SRRM4: variants seen among roughly 807,000 people sequenced by gnomAD.
SRRM4 encodes the protein serine/arginine repetitive matrix protein 4.
SRRM4 carries 33 observed loss-of-function variants against 68.9 expected under a neutral mutation model. The observed-to-expected ratio is 0.48, with a 90% CI of 0.36 to 0.64. The LOEUF is 0.64. SRRM4 is among the 30% of genes least tolerant of loss of function. The pLI, the probability that SRRM4 is intolerant of heterozygous loss-of-function variation, is 0.00. For synonymous variants in SRRM4, 318 were observed against 318.8 expected (o/e 1.00, Z 0.03); for missense variants, 817 against 827.1 (o/e 0.99, Z 0.15).
intron 8 of SRRM4, among the ~76,000 whole-genome samples, chr12:119,137,055 T>C (rs2136061129): frequency 6.6e-6 from 1 of 152,178 alleles, no homozygotes; most frequent in East Asian, 1.9e-4. Flanking sequence ...CTAAGGAAGA[T>C]GAACAACAGA....
Position 118,982,024 on chromosome 12 carries a change from CCTT to C in SRRM4, c.131+15_131+17del, listed in dbSNP as rs769904662. The C allele has an allele frequency of 2.5e-6, 4 of 1,603,792 alleles. No homozygotes were observed. In the African/African-American group the frequency reaches 4.0e-5, roughly 16 times the overall value. On this transcript the variant is annotated intron_variant, in intron 1 of 12. Coordinates refer to ENST00000267260, the MANE Select transcript of SRRM4 (RefSeq NM_194286.4). ...CAAGCCGCTGCCAAGGTAATGATCTCCTTCTTAGAAGGGGGGATCCTGAAGGTC... is the reference window on the plus strand; with the variant it reads ...CAAGCCGCTGCCAAGGTAATGATCTCCTTAGAAGGGGGGATCCTGAAGGTC...
At chr12:118,983,200 A>G (rs369568830) in intron 1 of SRRM4, among the ~76,000 whole-genome samples, 146 of 152,330 alleles carry the variant, frequency 9.6e-4, no homozygotes, top group African/African-American at 3.2e-3. Context: ...TGTCTGAAGA[A>G]TCAAAGCCAG....
chr12:118,984,544 ATGAAGG>A (rs1455347248), intron 1 of SRRM4, among the ~76,000 whole-genome samples: 1 of 152,188 alleles, frequency 6.6e-6, no homozygotes, highest in Non-Finnish European at 1.5e-5. Context: ...TTGTTTATAG[ATGAAGG>A]CCACCCCTCT....
intron 1 of SRRM4, among the ~76,000 whole-genome samples, chr12:119,012,487 A>G (rs1953456260): frequency 1.3e-5 from 2 of 152,134 alleles, no homozygotes; most frequent in African/African-American, 4.8e-5. Context: ...GCCTTTCCCC[A>G]CTTTGGAACT....
intron 9 of SRRM4, among the ~76,000 whole-genome samples, chr12:119,147,137 G>T (rs1030636874): frequency 6.6e-6 from 1 of 152,208 alleles, no homozygotes; most frequent in South Asian, 2.1e-4. Context: ...TGCTCGGAAG[G>T]TATGAGGTAC....
chr12:119,080,162 G>C (rs1054871856), intron 1 of SRRM4, among the ~76,000 whole-genome samples: 2 of 151,960 alleles, frequency 1.3e-5, no homozygotes, highest in Non-Finnish European at 2.9e-5. Flanking sequence ...GGACCTCGGT[G>C]GTTCTACTCA....
intron 1 of SRRM4, among the ~76,000 whole-genome samples, chr12:119,021,658 G>T (rs1292594490): frequency 6.6e-6 from 1 of 152,184 alleles, no homozygotes; most frequent in Non-Finnish European, 1.5e-5. Flanking sequence ...CTGAACTAAA[G>T]TTAGCAGAAA....
intron 1 of SRRM4, among the ~76,000 whole-genome samples, chr12:119,062,529 AT>A (rs1953820860): frequency 6.6e-6 from 1 of 152,240 alleles, no homozygotes. Context: ...ACAAAAAAAA[AT>A]CTTTATATCC....
At chr12:118,993,003 C>G (rs1422645035) in intron 1 of SRRM4, among the ~76,000 whole-genome samples, 3 of 152,184 alleles carry the variant, frequency 2.0e-5, no homozygotes, top group Non-Finnish European at 4.4e-5. Context: ...AAAGTCACAT[C>G]ATGAAATAAT....
chr12:119,080,824 TCAATCTC>T (rs1177295637), intron 1 of SRRM4, among the ~76,000 whole-genome samples: 1 of 152,146 alleles, frequency 6.6e-6, no homozygotes, highest in African/African-American at 2.4e-5. Context: ...TCGTTAGTCT[TCAATCTC>T]TCTTTTTTCA....
intron 1 of SRRM4, among the ~76,000 whole-genome samples, chr12:119,000,062 C>T (rs936465989): frequency 5.9e-5 from 9 of 152,226 alleles, no homozygotes; most frequent in East Asian, 5.8e-4. Context: ...TTGTACAGAA[C>T]GCACTACACA....
intron 5 of SRRM4, 44 bp from the exon 6 acceptor site, chr12:119,122,026 C>T: frequency 7.5e-7 from 1 of 1,335,916 alleles, no homozygotes; most frequent in South Asian, 1.2e-5. Flanking sequence ...TTATCTTTAA[C>T]TAGAATTTTG....
chr12:118,997,137 C>T (rs1413548939), intron 1 of SRRM4, among the ~76,000 whole-genome samples: 2 of 152,256 alleles, frequency 1.3e-5, no homozygotes, highest in African/African-American at 4.8e-5. Flanking sequence ...CATACATGCT[C>T]TTGACCACAG....
At chr12:119,041,110 T>A (rs750140821) in intron 1 of SRRM4, among the ~76,000 whole-genome samples, 15 of 152,150 alleles carry the variant, frequency 9.9e-5, no homozygotes, top group Non-Finnish European at 1.6e-4. Context: ...CTTACATATA[T>A]AAGCTTATTT....
At chr12:119,149,826 A>G (rs1161469557) in intron 9 of SRRM4, among the ~76,000 whole-genome samples, 1 of 152,176 alleles carries the variant, frequency 6.6e-6, no homozygotes, top group African/African-American at 2.4e-5. Flanking sequence ...GGCCATCGTG[A>G]GCCTTGAAAA....
At chr12:118,990,792 T>G (rs1272001981) in intron 1 of SRRM4, among the ~76,000 whole-genome samples, 1 of 152,042 alleles carries the variant, frequency 6.6e-6, no homozygotes, top group Non-Finnish European at 1.5e-5. Flanking sequence ...TCTAAAGCCC[T>G]CTATCACTTT....
chr12:119,120,398 G>C (rs1332091589), intron 5 of SRRM4, 122 bp downstream of exon 5: 1 of 1,041,554 alleles, frequency 9.6e-7, no homozygotes, highest in Non-Finnish European at 1.4e-6. Context: ...TCATCTTCCT[G>C]GGCCTCAGTT....
intron 1 of SRRM4, among the ~76,000 whole-genome samples, chr12:119,060,877 G>A (rs1016317780): frequency 1.8e-4 from 28 of 152,130 alleles, no homozygotes; most frequent in African/African-American, 6.5e-4. Context: ...ATGAAAGGAG[G>A]AACACAATCC....
At chr12:119,152,298 A>G (rs1364499862) in intron 10 of SRRM4, among the ~76,000 whole-genome samples, 1 of 152,208 alleles carries the variant, frequency 6.6e-6, no homozygotes, top group African/African-American at 2.4e-5. Context: ...GAAAATATTC[A>G]ACATGATAGA....
Sources: gnomAD v4.1 joint callset for allele counts (sites outside exome capture counted in the v4.1 genomes callset) on GRCh38, gnomAD v4.1.1 for gene constraint, MANE v1.5 for transcripts, NCBI Gene and HGNC (gene_info 2026-07-23, HGNC 2026-07-21) for gene names.